The following SEMA5B variants were observed in gnomAD, a reference collection of about 807,000 sequenced individuals.
SEMA5B encodes semaphorin 5B, also known as semaphorin-5B.
In SEMA5B, 66 loss-of-function variants were observed where a neutral mutation model predicts 135.0. The ratio of observed to expected loss-of-function variants is 0.49; its 90% CI spans 0.40 to 0.60. The LOEUF (loss-of-function observed/expected upper bound fraction) is 0.60, where lower values mean the gene tolerates loss of function less well. Among genes scored for constraint, SEMA5B ranks in the 20% least tolerant of loss-of-function variants. The pLI is 0.00. For missense variants in SEMA5B, 1,501 were observed against 1,566.3 expected (o/e 0.96, Z 0.70); for synonymous variants, 690 against 639.5 (o/e 1.08, Z -1.19).
intron 1 of SEMA5B, among the ~76,000 whole-genome samples, chr3:122,989,817 T>A (rs1941821688): frequency 6.6e-6 from 1 of 151,638 alleles, no homozygotes; most frequent in African/African-American, 2.4e-5. Context: ...CCTGGGGGAG[T>A]AAAGGTCAGA....
At chr3:123,010,083 G>A (rs1942401137) in intron 1 of SEMA5B, among the ~76,000 whole-genome samples, 1 of 152,162 alleles carries the variant, frequency 6.6e-6, no homozygotes, top group South Asian at 2.1e-4. Flanking sequence ...TTTTGATGGT[G>A]GGGCCTGGAG....
intron 1 of SEMA5B, among the ~76,000 whole-genome samples, chr3:122,994,300 C>A (rs1157054978): frequency 6.6e-6 from 1 of 152,210 alleles, no homozygotes; most frequent in Non-Finnish European, 1.5e-5. Context: ...TAAGATTAGC[C>A]ACCTGTAGGT....
In SEMA5B at chr3:122,915,781, C is replaced by T. The variant is rs778780943; in HGVS notation, c.1798G>A (p.Ala600Thr). 1.7e-5 allele frequency: 27 copies of T among 1,613,690 alleles called. No homozygotes were observed. The East Asian group carries it at 4.5e-4, about 27-fold the overall frequency. Reference sequence around the variant, plus strand: ...CACAAGGGGATTCTCACAGGACAGGCGGTGATGTTCTGGGTCCAGAGGCTC... The same window carrying T: ...CACAAGGGGATTCTCACAGGACAGGTGGTGATGTTCTGGGTCCAGAGGCTC... ...NMSLWTQNIT[A>T]CPVRNVTRDG... Residue 600 changes from alanine (A) to threonine (T), a missense_variant, in exon 13 of 23, where the codon GCC (alanine) becomes ACC (threonine). Coordinates refer to ENST00000357599, the MANE Select transcript of SEMA5B (RefSeq NM_001031702.4).
chr3:122,914,284 AG>A (rs1937947614), intron 14 of SEMA5B, among the ~76,000 whole-genome samples: 1 of 152,240 alleles, frequency 6.6e-6, no homozygotes, highest in Admixed American at 6.5e-5. Context: ...AAGGGCCAAA[AG>A]GGCAGACTCT....
intron 1 of SEMA5B, among the ~76,000 whole-genome samples, chr3:122,997,522 C>T (rs566616544): frequency 6.6e-5 from 10 of 152,034 alleles, no homozygotes; most frequent in Non-Finnish European, 1.2e-4. Context: ...GGCCTCTCCC[C>T]CCCCCGTCTC....
At chr3:122,925,697 A>G (rs1382675033) in intron 9 of SEMA5B, among the ~76,000 whole-genome samples, 3 of 152,238 alleles carry the variant, frequency 2.0e-5, no homozygotes, top group East Asian at 3.9e-4. Flanking sequence ...AAAAAAAAAG[A>G]AAAAGAAAAA....
chr3:123,027,274 G>T (rs374373919), intron 1 of SEMA5B, 190 bp downstream of exon 1: 1 of 152,384 alleles, frequency 6.6e-6, no homozygotes, highest in Non-Finnish European at 1.5e-5. Flanking sequence ...CTCTCAAGCC[G>T]AGGTGGCAGC....
At chr3:122,938,004 T>C (rs765279426) in intron 5 of SEMA5B, among the ~76,000 whole-genome samples, 3 of 152,224 alleles carry the variant, frequency 2.0e-5, no homozygotes, top group Admixed American at 6.5e-5. Context: ...AACTAGGCTC[T>C]GGACTGGCTG....
intron 2 of SEMA5B, among the ~76,000 whole-genome samples, chr3:122,957,409 A>G (rs981455460): frequency 2.6e-5 from 4 of 152,242 alleles, no homozygotes; most frequent in African/African-American, 9.6e-5. Context: ...ATGAGGGATC[A>G]GGCTGGAAGC....
At chr3:122,998,159 ACCTGATCTTTC>A (rs1942074606) in intron 1 of SEMA5B, among the ~76,000 whole-genome samples, 1 of 151,386 alleles carries the variant, frequency 6.6e-6, no homozygotes, top group African/African-American at 2.4e-5. Context: ...TCTTATACCA[ACCTGATCTTTC>A]CTTCTCCCAG....
chr3:122,913,109 C>T, intron 17 of SEMA5B, 48 bp from the exon 18 acceptor site: 1 of 1,419,908 alleles, frequency 7.0e-7, no homozygotes, highest in Non-Finnish European at 9.1e-7. Context: ...CCACCCCGAC[C>T]CCGGCCTGGG....
At chr3:123,009,648 A>G (rs2107788918) in intron 1 of SEMA5B, among the ~76,000 whole-genome samples, 1 of 152,324 alleles carries the variant, frequency 6.6e-6, no homozygotes, top group African/African-American at 2.4e-5. Flanking sequence ...ATTTCCAGCC[A>G]CTGAGGCTTA....
intron 7 of SEMA5B, 47 bp from the exon 8 acceptor site, chr3:122,928,050 G>T (rs373885813): frequency 2.2e-6 from 3 of 1,355,446 alleles, no homozygotes; most frequent in Non-Finnish European, 2.9e-6. Flanking sequence ...AGGCCCTGGG[G>T]CTGCCTGTTC....
intron 1 of SEMA5B, among the ~76,000 whole-genome samples, chr3:123,024,892 G>A (rs1234180428): frequency 6.6e-6 from 1 of 152,182 alleles, no homozygotes; most frequent in African/African-American, 2.4e-5. Context: ...TTGTCCATAA[G>A]CTGGGCCACT....
intron 1 of SEMA5B, among the ~76,000 whole-genome samples, chr3:123,017,768 T>G (rs552593079): frequency 6.6e-6 from 1 of 152,142 alleles, no homozygotes; most frequent in Admixed American, 6.5e-5. Context: ...ATTAGCCAGA[T>G]GCAGTGGCGG....
At position 122,923,604 on chromosome 3, in the gene SEMA5B, G is replaced by A. The variant is rs868380161; in HGVS notation, c.1272+13C>T. On this transcript the variant is annotated intron_variant, in intron 10 of 22. Coordinates refer to ENST00000357599, the MANE Select transcript of SEMA5B (RefSeq NM_001031702.4). ...AGTGTGTGAAGACAGGGAAAGAGGAGGAGATTCTGTACCTGGAAATTGGGG... is the reference window on the plus strand; with the variant it reads ...AGTGTGTGAAGACAGGGAAAGAGGAAGAGATTCTGTACCTGGAAATTGGGG... 7 of 1,613,958 alleles carry A rather than the reference G, an allele frequency of 4.3e-6. No individual in the cohort carries two copies. Among genetic ancestry groups the A allele is most frequent in the Non-Finnish European group, 5.9e-6 (7 of 1,179,936 alleles).
rs531931413 is a variant in SEMA5B at position 123,002,965 on chromosome 3, A to G, written c.-39+24499T>C. ...CCTGGGAAGCACTACAAAAAAAATTACTAGCATCCATAGTGTGTCATATGT... is the reference window on the plus strand; with the variant it reads ...CCTGGGAAGCACTACAAAAAAAATTGCTAGCATCCATAGTGTGTCATATGT... On this transcript the variant is annotated intron_variant, in intron 1 of 22. Transcript: ENST00000357599. Among the ~76,000 whole-genome samples the G allele has an allele frequency of 4.6e-5, 7 of 152,314 alleles. No homozygotes were observed. In the South Asian group the frequency reaches 1.5e-3, roughly 32 times the overall value.
chr3:122,915,650 C>T (rs761768013), intron 13 of SEMA5B, 29 bp from the exon 14 acceptor site: 1 of 1,602,740 alleles, frequency 6.2e-7, no homozygotes, highest in Non-Finnish European at 8.5e-7. Context: ...GACAGTACCC[C>T]TATTACCCAA....
rs372179097 is a variant in SEMA5B at position 122,943,462 on chromosome 3, G to A, written c.402C>T (p.Ser134=). The change falls in exon 4 of 23, where the codon TCC becomes TCT. Residue 134 remains serine (S), a synonymous_variant. Coordinates refer to ENST00000357599, the MANE Select transcript of SEMA5B (RefSeq NM_001031702.4). ...TGGCTCCCACGATGAGCTGGTTCCCGGAGGGGTCCAAAGCCAGCTGGGAGA... is the reference window on the plus strand; with the variant it reads ...TGGCTCCCACGATGAGCTGGTTCCCAGAGGGGTCCAAAGCCAGCTGGGAGA... The part of the protein sequence containing the change: ...RDFSQLALDP[S]GNQLIVGARN... The A allele has an allele frequency of 3.0e-5, 48 of 1,608,488 alleles. No homozygotes were observed. The highest frequency in any genetic ancestry group is 1.2e-4 in the Admixed American group (7 of 59,134).
Sources: gnomAD v4.1 joint callset for allele counts (sites outside exome capture counted in the v4.1 genomes callset) on GRCh38, gnomAD v4.1.1 for gene constraint, MANE v1.5 for transcripts, NCBI Gene and HGNC (gene_info 2026-07-23, HGNC 2026-07-21) for gene names.